The following SPINK5 variants were observed in gnomAD, a reference collection of about 807,000 sequenced individuals.
The protein encoded by SPINK5 is serine peptidase inhibitor Kazal type 5.
SPINK5 carries 125 observed loss-of-function variants against 151.8 expected under a neutral mutation model. The observed-to-expected ratio is 0.82, with a 90% CI of 0.71 to 0.96. The LOEUF (loss-of-function observed/expected upper bound fraction) is 0.96. Among genes scored for constraint, SPINK5 ranks in the 40% least tolerant of loss-of-function variants. The pLI is 0.00. For synonymous variants in SPINK5, 374 were observed against 395.3 expected (o/e 0.95, Z 0.64); for missense variants, 1,194 against 1,291.9 (o/e 0.92, Z 1.16).
intron 4 of SPINK5, among the ~76,000 whole-genome samples, chr5:148,078,669 A>C (rs998845902): frequency 1.7e-4 from 25 of 151,040 alleles, no homozygotes; most frequent in African/African-American, 6.0e-4. Flanking sequence ...ATTAGGCAAC[A>C]CACTTCTGGA....
chr5:148,123,175 T>G (rs1005739966), intron 26 of SPINK5, among the ~76,000 whole-genome samples: 1 of 151,102 alleles, frequency 6.6e-6, no homozygotes, highest in African/African-American at 2.4e-5. Flanking sequence ...ACAGAGAGAC[T>G]CCCGTCTCTA....
At chr5:148,116,241 T>A in intron 21 of SPINK5, 129 bp from the exon 22 acceptor site, 1 of 876,750 alleles carries the variant, frequency 1.1e-6, no homozygotes, top group Non-Finnish European at 1.9e-6. Context: ...GCCTGCAGCA[T>A]AGTAGATGTT....
intron 4 of SPINK5, among the ~76,000 whole-genome samples, chr5:148,078,717 G>A (rs1439919789): frequency 6.7e-6 from 1 of 150,226 alleles, no homozygotes; most frequent in African/African-American, 2.4e-5. Context: ...GAGAGAAATT[G>A]GAAAATAATT....
chr5:148,075,351 T>C (rs909606915), intron 4 of SPINK5, among the ~76,000 whole-genome samples: 3 of 151,200 alleles, frequency 2.0e-5, no homozygotes, highest in Non-Finnish European at 4.4e-5. Flanking sequence ...TCTATTAATA[T>C]AAATAAATTT....
intron 20 of SPINK5, among the ~76,000 whole-genome samples, 170 bp from the exon 21 acceptor site, chr5:148,114,192 C>T (rs1040395169): frequency 1.3e-5 from 2 of 151,308 alleles, no homozygotes; most frequent in Admixed American, 1.3e-4. Flanking sequence ...ATACAGCCAC[C>T]TTCTTAAGTC....
At chr5:148,104,222 A>G (rs1753721678) in intron 15 of SPINK5, among the ~76,000 whole-genome samples, 1 of 152,180 alleles carries the variant, frequency 6.6e-6, no homozygotes, top group African/African-American at 2.4e-5. Flanking sequence ...ACACTTAAAG[A>G]TGAGGAAGGC....
At chr5:148,122,679 A>C (rs959556025) in intron 26 of SPINK5, among the ~76,000 whole-genome samples, 5 of 152,176 alleles carry the variant, frequency 3.3e-5, no homozygotes, top group African/African-American at 4.8e-5. Context: ...AAAAGCAAAT[A>C]AGTAAAAAGG....
In SPINK5 at chr5:148,101,355, C is replaced by T. The variant is rs550949679; in HGVS notation, c.1221C>T (p.Phe407=). Residue 407 remains phenylalanine (F), a splice_region_variant and synonymous_variant, in exon 14 of 33, where the codon TTC becomes TTT. Coordinates refer to ENST00000256084, the MANE Select transcript of SPINK5 (RefSeq NM_006846.4). ...GNTCSMCEVF[F]QAEEEEKKKK... ...TCTCTTCTTAACCATCCTTTTTTAG[C>T]CAAGCAGAAGAAGAAGAAAAGAAAA... 1.4e-5 allele frequency: 22 copies of T among 1,603,980 alleles called. 1 individual carries two copies. In the South Asian group the frequency reaches 2.3e-4, roughly 17 times the overall value.
At chr5:148,125,891 A>AACTG (rs767426285) in intron 29 of SPINK5, 41 bp downstream of exon 29, 25 of 1,613,332 alleles carry the variant, frequency 1.5e-5, no homozygotes, top group Non-Finnish European at 1.8e-5. Context: ...CTAGCAGGGG[A>AACTG]ACTGCATTTT....
chr5:148,069,316 T>G (rs1038487509), intron 2 of SPINK5, among the ~76,000 whole-genome samples: 3 of 151,888 alleles, frequency 2.0e-5, no homozygotes, highest in Non-Finnish European at 4.4e-5. Context: ...TCATTCTACT[T>G]TCCTTTTCCC....
At chr5:148,092,715 T>C (rs1753343012) in intron 8 of SPINK5, among the ~76,000 whole-genome samples, 1 of 151,906 alleles carries the variant, frequency 6.6e-6, no homozygotes, top group Non-Finnish European at 1.5e-5. Context: ...CATTGAGCAT[T>C]AATTTTTTAT....
chr5:148,072,070 A>T, intron 3 of SPINK5, 78 bp from the exon 4 acceptor site: 2 of 1,403,080 alleles, frequency 1.4e-6, no homozygotes, highest in Non-Finnish European at 2.0e-6. Flanking sequence ...AGTTAAAATT[A>T]AGTTTACCAT....
intron 22 of SPINK5, among the ~76,000 whole-genome samples, chr5:148,118,203 G>C (rs942665656): frequency 6.6e-6 from 1 of 152,232 alleles, no homozygotes; most frequent in East Asian, 1.9e-4. Context: ...ATTTTTAGTA[G>C]AGACAGTGTT....
intron 29 of SPINK5, among the ~76,000 whole-genome samples, 184 bp downstream of exon 29, chr5:148,126,034 A>C (rs1342068158): frequency 3.3e-5 from 5 of 152,210 alleles, no homozygotes; most frequent in Non-Finnish European, 1.5e-5. Context: ...TGGAGACAAA[A>C]ATTCCGTATG....
chr5:148,066,404 T>C (rs1752586485), intron 2 of SPINK5, among the ~76,000 whole-genome samples: 1 of 152,166 alleles, frequency 6.6e-6, no homozygotes, highest in Non-Finnish European at 1.5e-5. Context: ...TGTGGCAAAA[T>C]TTGTTTTATC....
chr5:148,099,162 G>A, intron 11 of SPINK5, 72 bp from the exon 12 acceptor site: 1 of 1,395,276 alleles, frequency 7.2e-7, no homozygotes, highest in Admixed American at 1.9e-5. Flanking sequence ...ACAGTTAACA[G>A]TGCAAGGATG....
Position 148,091,244 on chromosome 5 carries a change from A to G in SPINK5, c.666+16A>G, listed in dbSNP as rs763031106. The G allele has an allele frequency of 6.2e-7, 1 of 1,609,730 alleles. No homozygotes were observed. Among genetic ancestry groups the G allele is most frequent in the Non-Finnish European group, 8.5e-7 (1 of 1,177,424 alleles). On this transcript the variant is annotated intron_variant, in intron 8 of 32. Coordinates refer to ENST00000256084, the MANE Select transcript of SPINK5 (RefSeq NM_006846.4). ...TGCTGAAAAGGTAAAATGACTCACC[A>G]ACGCAATTTTGTTCTTGTGGCCATA...
Position 148,137,352 on chromosome 5 carries a change from C to T in SPINK5, c.*361C>T. ...TTTGCTTTTAAAGAAACTGAATAAACTCTACCCTTTTGTCTTTTTGTGTTG... is the reference window on the plus strand; with the variant it reads ...TTTGCTTTTAAAGAAACTGAATAAATTCTACCCTTTTGTCTTTTTGTGTTG... On this transcript the variant is annotated 3_prime_UTR_variant, in exon 33 of 33. Transcript: ENST00000256084. 1 of 221,326 alleles carries T rather than the reference C, an allele frequency of 4.5e-6. No individual in the cohort carries two copies. The highest frequency in any genetic ancestry group is 7.6e-6 in the Non-Finnish European group (1 of 132,290). 13.7% of individuals were successfully genotyped at this position (221,326 alleles called of 1,614,324 possible). A position where few individuals can be genotyped will look rare whatever the true frequency, so the allele number is the denominator to read the frequency against.
At position 148,111,695 on chromosome 5, in the gene SPINK5, G is replaced by C. The variant is rs1252360493; in HGVS notation, c.1693-73G>C. The C allele has an allele frequency of 3.1e-6, 5 of 1,607,122 alleles. No individual in the cohort carries two copies. The East Asian group carries it at 8.9e-5, about 29-fold the overall frequency. Reference sequence around the variant, plus strand: ...CAATCATTATGTTTTAGTTTTTAAAGCAGTATTGTGGAGGAAGATTTCTAG... The same window carrying C: ...CAATCATTATGTTTTAGTTTTTAAACCAGTATTGTGGAGGAAGATTTCTAG... On this transcript the variant is annotated intron_variant, in intron 18 of 32. Transcript: ENST00000256084.
Sources: gnomAD v4.1 joint callset for allele counts (sites outside exome capture counted in the v4.1 genomes callset) on GRCh38, gnomAD v4.1.1 for gene constraint, MANE v1.5 for transcripts, NCBI Gene and HGNC (gene_info 2026-07-23, HGNC 2026-07-21) for gene names.